The following NCL variants were observed in gnomAD, a reference collection of about 807,000 sequenced individuals.
The protein encoded by NCL is nucleolin multifunctional protein.
A neutral mutation model predicts 77.7 loss-of-function variants in NCL; 4 were observed. The ratio of observed to expected loss-of-function variants is 0.05; its 90% CI spans 0.03 to 0.12. The LOEUF is 0.12. Ranked by LOEUF, NCL falls within the 10% of genes least tolerant of loss-of-function variation. NCL has a pLI of 1.00. For missense variants in NCL, 763 were observed against 860.9 expected, an observed-to-expected ratio of 0.89 and a Z score of 1.42; for synonymous variants, 344 against 297.8, an observed-to-expected ratio of 1.16 and a Z score of -1.60.
intron 7 of NCL, 77 bp downstream of exon 7, chr2:231,458,924 G>A (rs536220360): frequency 1.3e-5 from 18 of 1,364,446 alleles, no homozygotes; most frequent in Non-Finnish European, 1.6e-5. Context: ...GGAAACCAAG[G>A]GAAATGGGTT....
chr2:231,458,991 C>T lies in NCL; in HGVS notation c.1165+10G>A, dbSNP rs772542185. On this transcript the variant is annotated intron_variant, in intron 7 of 13. Coordinates refer to ENST00000322723, the MANE Select transcript of NCL (RefSeq NM_005381.3). ...GAGTTCATTGCATAATCTCATAAAG[C>T]CTTACATACCTTTCTTACTGTCTTT... The T allele has an allele frequency of 3.8e-6, 6 of 1,573,474 alleles. No homozygotes were observed. Among genetic ancestry groups the T allele is most frequent in the African/African-American group, 2.8e-5 (2 of 72,520 alleles).
rs749856315 is a variant in NCL at position 231,459,051 on chromosome 2, A to T, written c.1115T>A (p.Phe372Tyr). The T allele has an allele frequency of 1.2e-6, 2 of 1,606,288 alleles. No homozygotes were observed. Among genetic ancestry groups the T allele is most frequent in the Non-Finnish European group, 1.7e-6 (2 of 1,177,324 alleles). ...TTTCTCTAGTTTAATTTCATTGCCA[A>T]AGACTTTCAAACCAGTGAGTTCCAA... ...KALELTGLKV[F>Y]GNEIKLEKPK... The change falls in exon 7 of 14, where the codon TTT becomes TAT. Residue 372 changes from phenylalanine to tyrosine, a missense_variant. Phe to Tyr is a conservative substitution (Grantham distance 22, BLOSUM62 3). Transcript: ENST00000322723.
In NCL at chr2:231,461,919, G is replaced by C. The variant is rs2046956217; in HGVS notation, c.234C>G (p.Ala78=). The part of the protein sequence containing the change: ...PTKKVAVATP[A]KKAAVTPGKK... ...TGCCTGGAGTGACAGCTGCTTTCTT[G>C]GCTGGTGTGGCAACTGCAACCTTTT... The change falls in exon 3 of 14, where the codon GCC becomes GCG. Residue 78 remains alanine, a synonymous_variant. Transcript: ENST00000322723. The C allele has an allele frequency of 6.2e-7, 1 of 1,614,154 alleles. No individual in the cohort carries two copies. Among genetic ancestry groups the C allele is most frequent in the Non-Finnish European group, 8.5e-7 (1 of 1,180,026 alleles).
rs749313617 is a variant in NCL at position 231,462,453 on chromosome 2, C to T, written c.136-436G>A. The T allele has an allele frequency of 6.8e-6, 3 of 443,124 alleles. No homozygotes were observed. The Admixed American group carries it at 7.5e-5, about 11-fold the overall frequency. The allele number at this position is 443,124 out of a possible 1,614,324, so 27.4% of individuals were successfully genotyped here. A position where few individuals can be genotyped will look rare whatever the true frequency, so the allele number is the denominator to read the frequency against. On this transcript the variant is annotated intron_variant, in intron 2 of 13. Transcript: ENST00000322723. ...CTACAGTGGGTGGCGGTACCAAGCC[C>T]AGTGAAGCTCAATTCTTAGGACCTG...
At chr2:231,463,414 AGAT>A in intron 1 of NCL, 98 bp from the exon 2 acceptor site, 1 of 813,546 alleles carries the variant, frequency 1.2e-6, no homozygotes, top group Non-Finnish European at 2.1e-6. Flanking sequence ...CTCCGTCCTC[AGAT>A]CCATTTCTCA....
At chr2:231,462,650 T>C (rs1365394656) in intron 2 of NCL, 1 of 468,186 alleles carries the variant, frequency 2.1e-6, no homozygotes, top group Non-Finnish European at 4.3e-6. Context: ...ACGAGAAACC[T>C]GAGCACAATT....
chr2:231,462,701 G>T, intron 2 of NCL: 1 of 399,946 alleles, frequency 2.5e-6, no homozygotes, highest in Non-Finnish European at 5.0e-6. Context: ...TAAAAGGCCA[G>T]GAGTGCTAAA....
intron 11 of NCL, 174 bp from the exon 12 acceptor site, chr2:231,456,310 T>G (rs2046887384): frequency 2.1e-6 from 2 of 937,364 alleles, no homozygotes; most frequent in South Asian, 3.1e-5. Flanking sequence ...GGTTTACATT[T>G]TTTAATTGCC....
chr2:231,460,706 ATCATCATCATCT>A lies in NCL; in HGVS notation c.762_773del (p.Glu254_Asp257del), dbSNP rs764623088. On this transcript the variant is annotated inframe_deletion, in exon 4 of 14. Coordinates refer to ENST00000322723, the MANE Select transcript of NCL (RefSeq NM_005381.3). ...CTTCTTCCTCCTCCTCATCATCTTCATCATCATCATCTTCATCATCTTCGTCGTCGTCGTCAT... is the reference window on the plus strand; with the variant it reads ...CTTCTTCCTCCTCCTCATCATCTTCATCATCATCTTCGTCGTCGTCGTCAT... The A allele has an allele frequency of 6.7e-6, 9 of 1,349,028 alleles. No individual in the cohort carries two copies. Among genetic ancestry groups the A allele is most frequent in the Admixed American group, 6.3e-5 (3 of 47,628 alleles). 83.6% of individuals were successfully genotyped at this position (1,349,028 alleles called of 1,614,324 possible). A position where few individuals can be genotyped will look rare whatever the true frequency, so the allele number is the denominator to read the frequency against.
chr2:231,463,582 T>G (rs2125638591), intron 1 of NCL: 1 of 454,218 alleles, frequency 2.2e-6, no homozygotes, highest in South Asian at 2.7e-5. Context: ...TCTCCTCCCG[T>G]TACCTTAGTT....
chr2:231,456,795 G>A, intron 10 of NCL, 31 bp from the exon 11 acceptor site: 2 of 1,612,378 alleles, frequency 1.2e-6, no homozygotes, highest in Non-Finnish European at 1.7e-6. Context: ...CTTAGAGTAA[G>A]TTACCAGGCA....
rs767052440 is a variant in NCL at position 231,457,521 on chromosome 2, T to G, written c.1447+122A>C. The G allele has an allele frequency of 7.2e-4, 752 of 1,038,902 alleles. 1 individual carries two copies. Among genetic ancestry groups the G allele is most frequent in the Non-Finnish European group, 9.9e-4 (696 of 701,158 alleles). 64.4% of individuals were successfully genotyped at this position (1,038,902 alleles called of 1,614,324 possible). A position where few individuals can be genotyped will look rare whatever the true frequency, so the allele number is the denominator to read the frequency against. On this transcript the variant is annotated intron_variant, in intron 9 of 13. Transcript: ENST00000322723. Reference sequence around the variant, plus strand: ...GAGTATGACTTGGGGTATCATGTCCTTGATCTTCACCTACATTTGAGTAAC... The same window carrying G: ...GAGTATGACTTGGGGTATCATGTCCGTGATCTTCACCTACATTTGAGTAAC...
intron 7 of NCL, 50 bp from the exon 8 acceptor site, chr2:231,458,439 G>T (rs753531875): frequency 9.0e-5 from 144 of 1,593,442 alleles, no homozygotes; most frequent in Non-Finnish European, 1.1e-4. Context: ...AACCAAAGGT[G>T]GGGGGCAACA....
rs150800325 is a variant in NCL at position 231,460,892 on chromosome 2, G to T, written c.614-26C>A. 40 of 1,578,952 alleles carry T rather than the reference G, an allele frequency of 2.5e-5. No individual in the cohort carries two copies. The East Asian group carries it at 8.9e-4, about 35-fold the overall frequency. ...CTGAAAGAGAAGTCACCTAAAAATT[G>T]CAGCAATCTCCCAAAACCAACATCG... On this transcript the variant is annotated intron_variant, in intron 3 of 13. Transcript: ENST00000322723.
At chr2:231,457,553 TA>T in intron 9 of NCL, 89 bp downstream of exon 9, 1 of 1,298,826 alleles carries the variant, frequency 7.7e-7, no homozygotes, top group Non-Finnish European at 1.1e-6. Flanking sequence ...TAACTTTGAT[TA>T]AAAAGTATTT....
At chr2:231,456,851 A>C (rs2046893853) in intron 10 of NCL, 87 bp from the exon 11 acceptor site, 1 of 1,570,410 alleles carries the variant, frequency 6.4e-7, no homozygotes, top group African/African-American at 1.4e-5. Context: ...CCTTCTCTCA[A>C]GTTGGTACCT....
chr2:231,454,041 T>C lies in NCL; in HGVS notation c.*1150A>G, dbSNP rs1244998364. ...TTAAGACCAGAAAGAATAAGCAATA[T>C]ACGTAGTGCAGAACAAATGGCTTTT... On this transcript the variant is annotated 3_prime_UTR_variant, in exon 14 of 14. Coordinates refer to ENST00000322723, the MANE Select transcript of NCL (RefSeq NM_005381.3). The C allele has an allele frequency of 6.6e-6, 1 of 151,118 alleles. No homozygotes were observed. The highest frequency in any genetic ancestry group is 2.4e-5 in the African/African-American group (1 of 41,012). The allele number at this position is 151,118 out of a possible 1,614,324, so 9.4% of individuals were successfully genotyped here.
chr2:231,455,410 C>A lies in NCL; in HGVS notation c.2047G>T (p.Gly683Cys). Residue 683 changes from glycine to cysteine, a missense_variant, in exon 13 of 14, where the codon GGC becomes TGC. Coordinates refer to ENST00000322723, the MANE Select transcript of NCL (RefSeq NM_005381.3). The stretch of plus-strand genomic sequence containing the variant: ...TCTCTGCGTGCCTTACCTCCAAAGC[C>A]TCCCCGGCCTCTGCCACCAAATCCT... ...RGGFGGRGRGGFGGRGGFRGG... is the reference protein window; with the variant it reads ...RGGFGGRGRGCFGGRGGFRGG... 1 of 1,614,064 alleles carries A rather than the reference C, an allele frequency of 6.2e-7. No individual in the cohort carries two copies. The highest frequency in any genetic ancestry group is 2.2e-5 in the East Asian group (1 of 44,884).
rs894768265 is a variant in NCL at position 231,456,882 on chromosome 2, C to T, written c.1572-118G>A. On this transcript the variant is annotated intron_variant, in intron 10 of 13. Transcript: ENST00000322723. The stretch of plus-strand genomic sequence containing the variant: ...TACCTAAATGATGATCTTTATTTTA[C>T]ACTCATTTACGTAGCTAAAATTATT... 25 of 1,551,266 alleles carry T rather than the reference C, an allele frequency of 1.6e-5. No homozygotes were observed. The African/African-American group carries it at 2.9e-4, about 18-fold the overall frequency.
Sources: allele counts gnomAD v4.1 joint callset, GRCh38; gene constraint gnomAD v4.1.1; transcripts MANE v1.5; gene names NCBI Gene and HGNC (gene_info 2026-07-23, HGNC 2026-07-21).